ARHGAP29: variants seen among roughly 807,000 people sequenced by gnomAD.
The protein encoded by ARHGAP29 is rho GTPase-activating protein 29.
In ARHGAP29, 43 loss-of-function variants were observed where a neutral mutation model predicts 122.6. The ratio of observed to expected loss-of-function variants is 0.35; its 90% confidence interval spans 0.27 to 0.45. The LOEUF (loss-of-function observed/expected upper bound fraction) is 0.45, where lower values mean the gene tolerates loss of function less well. Among genes scored for constraint, ARHGAP29 ranks in the 20% least tolerant of loss-of-function variants. The pLI, the probability that ARHGAP29 is intolerant of heterozygous loss-of-function variation, is 1.00. For missense variants in ARHGAP29, 1,303 were observed against 1,477.2 expected (o/e 0.88, Z 1.93); for synonymous variants, 506 against 497.1 (o/e 1.02, Z -0.24).
chr1:94,250,473 C>G (rs773153902), intron 1 of ARHGAP29: 1 of 152,226 alleles, frequency 6.6e-6, no homozygotes, highest in African/African-American at 2.4e-5. Context: ...CTTGGACTCC[C>G]TGGACTGCGG....
Position 94,177,587 on chromosome 1 carries a change from A to G in ARHGAP29, c.2905+25T>C, listed in dbSNP as rs753760624. The G allele has an allele frequency of 6.8e-6, 9 of 1,332,244 alleles. No homozygotes were observed. In the East Asian group the frequency reaches 1.4e-4, roughly 20 times the overall value. The allele number at this position is 1,332,244 out of a possible 1,614,324, so 82.5% of individuals were successfully genotyped here. ...GGTAAAATTTTAAGCCAGCAAACAT[A>G]TTTTTTTTTTACATGGCTACTCACC... On this transcript the variant is annotated intron_variant, in intron 22 of 22. Transcript: ENST00000260526.
chr1:94,181,603 G>A (rs113996431), intron 19 of ARHGAP29, among the ~76,000 whole-genome samples: 2,055 of 152,102 alleles, frequency 0.014, 47 homozygotes, highest in African/African-American at 0.046. Context: ...AGTGTTTCCC[G>A]AACAGCCCAC....
intron 2 of ARHGAP29, among the ~76,000 whole-genome samples, chr1:94,223,116 T>C (rs1489000728): frequency 2.6e-5 from 4 of 152,110 alleles, no homozygotes; most frequent in African/African-American, 9.7e-5. Context: ...GCTAATTTTT[T>C]TGTATTTTTA....
chr1:94,288,852 T>C, the ARHGAP29 span, among the ~76,000 whole-genome samples: 6 of 152,192 alleles, frequency 3.9e-5, no homozygotes, highest in Non-Finnish European at 5.9e-5. Context: ...GTTCCATTGG[T>C]CTATATCTCT....
At chr1:94,235,787 T>G (rs1055190737) in intron 1 of ARHGAP29, among the ~76,000 whole-genome samples, 1 of 152,220 alleles carries the variant, frequency 6.6e-6, no homozygotes, top group African/African-American at 2.4e-5. Context: ...ACTTCCATTG[T>G]ATGTTGTAAA....
At chr1:94,208,349 T>A (rs896450579) in intron 5 of ARHGAP29, among the ~76,000 whole-genome samples, 2 of 152,210 alleles carry the variant, frequency 1.3e-5, no homozygotes, top group Admixed American at 1.3e-4. Flanking sequence ...AGTTTTTTAA[T>A]GTATTTTGTT....
intron 12 of ARHGAP29, chr1:94,196,020 C>T (rs1263208458): frequency 6.6e-6 from 1 of 152,044 alleles, no homozygotes; most frequent in Non-Finnish European, 1.5e-5. Context: ...ACTAAAAACA[C>T]ACAATATGTT....
intron 1 of ARHGAP29, among the ~76,000 whole-genome samples, chr1:94,270,073 A>G (rs1441822588): frequency 1.3e-5 from 2 of 152,218 alleles, no homozygotes; most frequent in African/African-American, 4.8e-5. Flanking sequence ...AGAGCTGCAC[A>G]ATCCAGACTT....
At chr1:94,294,846 G>A in the ARHGAP29 span, among the ~76,000 whole-genome samples, 1 of 152,204 alleles carries the variant, frequency 6.6e-6, no homozygotes, top group Non-Finnish European at 1.5e-5. Flanking sequence ...AAGAAATGAA[G>A]AGTTTTGAGA....
chr1:94,271,733 TCTCA>T (rs1171017260), intron 1 of ARHGAP29, among the ~76,000 whole-genome samples: 1 of 152,188 alleles, frequency 6.6e-6, no homozygotes, highest in Non-Finnish European at 1.5e-5. Flanking sequence ...ACAGGAGTAG[TCTCA>T]CTCACCATTA....
upstream of ARHGAP29, among the ~76,000 whole-genome samples, chr1:94,239,447 G>A (rs1219711825): frequency 6.6e-6 from 1 of 152,110 alleles, no homozygotes; most frequent in African/African-American, 2.4e-5. Context: ...GAGAGAGGGT[G>A]TATGGATGGA....
At chr1:94,234,301 T>G (rs1220845336) in intron 1 of ARHGAP29, among the ~76,000 whole-genome samples, 1 of 152,216 alleles carries the variant, frequency 6.6e-6, no homozygotes, top group South Asian at 2.1e-4. Flanking sequence ...TATAAACTTA[T>G]AAAGTTTCAA....
At chr1:94,312,437 T>C in the ARHGAP29 span, among the ~76,000 whole-genome samples, 1 of 149,684 alleles carries the variant, frequency 6.7e-6, no homozygotes, top group Non-Finnish European at 1.5e-5. Flanking sequence ...CCTCCTTCTT[T>C]TTTTTTTTTT....
intron 12 of ARHGAP29, chr1:94,194,934 T>C (rs1650360324): frequency 6.6e-6 from 1 of 152,042 alleles, no homozygotes. Context: ...GTTTTACATT[T>C]AGCTTCACTG....
chr1:94,219,321 T>C (rs948743840), intron 3 of ARHGAP29, among the ~76,000 whole-genome samples: 1 of 152,154 alleles, frequency 6.6e-6, no homozygotes, highest in Non-Finnish European at 1.5e-5. Flanking sequence ...AATTCCTCTG[T>C]ATCTTCTCTC....
chr1:94,219,247 T>TG, intron 3 of ARHGAP29, among the ~76,000 whole-genome samples: 1 of 26,680 alleles, frequency 3.7e-5, no homozygotes, highest in East Asian at 1.6e-3. Flanking sequence ...ACACTGATAA[T>TG]CACTTCTTAA....
chr1:94,278,854 G>A (rs1032734200), upstream of ARHGAP29, among the ~76,000 whole-genome samples: 6 of 152,160 alleles, frequency 3.9e-5, no homozygotes, highest in African/African-American at 1.4e-4. Flanking sequence ...ATAAATACAA[G>A]CAAATGCTTA....
At chr1:94,277,468 G>A (rs371942934), upstream of ARHGAP29, among the ~76,000 whole-genome samples, 3 of 152,172 alleles carry the variant, frequency 2.0e-5, no homozygotes, top group East Asian at 5.8e-4. Context: ...AAAAGCAAAT[G>A]CCTACTTTTA....
chr1:94,210,399 T>C (rs1272420484), intron 3 of ARHGAP29, among the ~76,000 whole-genome samples: 1 of 152,224 alleles, frequency 6.6e-6, no homozygotes, highest in African/African-American at 2.4e-5. Flanking sequence ...GAAGAATATA[T>C]TTTGTTGCAA....
Sources: gnomAD v4.1 joint callset for allele counts (sites outside exome capture counted in the v4.1 genomes callset) on GRCh38, gnomAD v4.1.1 for gene constraint, MANE v1.5 for transcripts, NCBI Gene and HGNC (gene_info 2026-07-23, HGNC 2026-07-21) for gene names.